Variants in TENM1 observed in about 807,000 individuals in gnomAD.
The protein encoded by TENM1 is teneurin-1.
In TENM1, 35 loss-of-function variants were observed where a neutral mutation model predicts 174.8. The ratio of observed to expected loss-of-function variants is 0.20; its 90% CI spans 0.15 to 0.27. The LOEUF (loss-of-function observed/expected upper bound fraction) is 0.27, where lower values mean the gene tolerates loss of function less well. Ranked by LOEUF, TENM1 falls within the 10% of genes least tolerant of loss-of-function variation. The pLI is 1.00. For synonymous variants in TENM1, 781 were observed against 798.7 expected (o/e 0.98, Z 0.37); for missense variants, 1,633 against 2,130.1 (o/e 0.77, Z 4.59).
intron 4 of TENM1, among the ~76,000 whole-genome samples, chrX:124,725,278 T>A (rs1192896084): frequency 9.0e-6 from 1 of 111,079 alleles, no homozygotes; most frequent in African/African-American, 3.3e-5. Flanking sequence ...AAAGGCAAGG[T>A]TTTTATTTGT....
intron 5 of TENM1, among the ~76,000 whole-genome samples, chrX:124,687,657 G>A (rs1246135631): frequency 9.0e-6 from 1 of 111,604 alleles, no homozygotes; most frequent in Non-Finnish European, 1.9e-5. Flanking sequence ...TACAGAATGG[G>A]AGAAAATTTT....
chrX:124,655,004 T>C (rs73558398), intron 6 of TENM1, among the ~76,000 whole-genome samples: 1,336 of 111,989 alleles, frequency 0.012, 21 homozygotes, highest in African/African-American at 0.042. Context: ...CAGTAGAGAT[T>C]CTCAAACTTT....
the TENM1 span, among the ~76,000 whole-genome samples, chrX:125,036,236 C>G: frequency 9.0e-6 from 1 of 111,460 alleles, no homozygotes; most frequent in Non-Finnish European, 1.9e-5. Flanking sequence ...TAATTTATGC[C>G]TGTTGTTGCT....
chrX:124,963,497 G>A lies in TENM1; in HGVS notation c.217+40C>T, dbSNP rs746169674. The A allele has an allele frequency of 1.3e-5, 14 of 1,108,202 alleles. No individual in the cohort carries two copies. The African/African-American group carries it at 2.5e-4, about 20-fold the overall frequency. The allele number at this position is 1,108,202 out of a possible 1,213,427, so 91.3% of individuals were successfully genotyped here. The stretch of plus-strand genomic sequence containing the variant: ...TTTATGCACACAAGCATTCTCTAAT[G>A]AGAAATAATATTTGTTATAAAGATC... On this transcript the variant is annotated intron_variant, in intron 1 of 31. Transcript: ENST00000422452.
chrX:124,755,495 G>C (rs1184756081), intron 3 of TENM1, among the ~76,000 whole-genome samples: 5 of 110,724 alleles, frequency 4.5e-5, no homozygotes, highest in Non-Finnish European at 9.4e-5. Context: ...TACATTTAAA[G>C]TTAATATTGT....
intron 3 of TENM1, among the ~76,000 whole-genome samples, chrX:124,811,220 A>G (rs909547725): frequency 1.8e-5 from 2 of 112,136 alleles, no homozygotes; most frequent in African/African-American, 6.5e-5. Context: ...CAACAGAATG[A>G]ATATACAACC....
intron 3 of TENM1, among the ~76,000 whole-genome samples, chrX:124,893,440 T>C (rs912382863): frequency 8.9e-6 from 1 of 112,627 alleles, no homozygotes; most frequent in Admixed American, 9.4e-5. Flanking sequence ...GATAAAGATA[T>C]GAAAAGTGTG....
chrX:124,787,601 A>G (rs2055071271), intron 3 of TENM1, among the ~76,000 whole-genome samples: 1 of 111,996 alleles, frequency 8.9e-6, no homozygotes, highest in African/African-American at 3.3e-5. Context: ...ATATTCAGAT[A>G]ACAGCATTGA....
At chrX:125,006,745 A>T in the TENM1 span, among the ~76,000 whole-genome samples, 4 of 111,676 alleles carry the variant, frequency 3.6e-5, no homozygotes, top group African/African-American at 6.5e-5. Context: ...GTGGACACCC[A>T]GCAAATTGTA....
intron 4 of TENM1, among the ~76,000 whole-genome samples, chrX:124,731,216 G>C (rs1004511088): frequency 1.8e-5 from 2 of 111,736 alleles, no homozygotes; most frequent in South Asian, 7.5e-4. Flanking sequence ...AAACCAAGAA[G>C]AGCAAGGGTA....
At chrX:124,730,950 A>C (rs1216136657) in intron 4 of TENM1, among the ~76,000 whole-genome samples, 6 of 111,664 alleles carry the variant, frequency 5.4e-5, no homozygotes, top group Admixed American at 2.9e-4. Context: ...ATGAATTAAG[A>C]GAGTTGGGAA....
chrX:124,615,063 C>T (rs889931274), intron 11 of TENM1, among the ~76,000 whole-genome samples: 1 of 111,970 alleles, frequency 8.9e-6, no homozygotes, highest in Non-Finnish European at 1.9e-5. Flanking sequence ...ATTCTTAATT[C>T]CTGTTTTTCC....
the TENM1 span, among the ~76,000 whole-genome samples, chrX:125,168,565 A>G: frequency 2.7e-5 from 3 of 111,414 alleles, no homozygotes; most frequent in Non-Finnish European, 5.7e-5. Context: ...TTAGAGCCCC[A>G]GTCAGATGAC....
chrX:125,127,199 A>G, the TENM1 span, among the ~76,000 whole-genome samples: 1 of 111,579 alleles, frequency 9.0e-6, no homozygotes, highest in Non-Finnish European at 1.9e-5. Flanking sequence ...TCTTCAATAT[A>G]AGCAGGAAAA....
intron 11 of TENM1, among the ~76,000 whole-genome samples, chrX:124,631,214 A>C (rs73215127): frequency 0.028 from 3,181 of 112,108 alleles, 48 homozygotes; most frequent in Non-Finnish European, 0.047. Context: ...AAACACAATT[A>C]AGATGCAAAA....
chrX:124,914,259 A>G (rs1396140315), intron 1 of TENM1, among the ~76,000 whole-genome samples: 1 of 111,797 alleles, frequency 8.9e-6, no homozygotes, highest in African/African-American at 3.3e-5. Flanking sequence ...ATGTCTGGTA[A>G]TGGAAACAAC....
At chrX:124,584,126 G>C (rs2148225589) in intron 11 of TENM1, among the ~76,000 whole-genome samples, 1 of 110,465 alleles carries the variant, frequency 9.1e-6, no homozygotes, top group Non-Finnish European at 1.9e-5. Context: ...ATATTATCCA[G>C]GAGAACTTCC....
At chrX:124,507,852 A>G (rs1365718529) in intron 18 of TENM1, among the ~76,000 whole-genome samples, 1 of 112,012 alleles carries the variant, frequency 8.9e-6, no homozygotes, top group Non-Finnish European at 1.9e-5. Flanking sequence ...TAATGGTTGC[A>G]TTTATGAAGG....
intron 3 of TENM1, among the ~76,000 whole-genome samples, chrX:124,824,194 A>T (rs2056104831): frequency 8.9e-6 from 1 of 112,254 alleles, no homozygotes; most frequent in African/African-American, 3.2e-5. Context: ...CTTTTTTGAC[A>T]AAATTTTTCC....
Sources: allele counts gnomAD v4.1 joint callset (sites outside exome capture counted in the v4.1 genomes callset), GRCh38; gene constraint gnomAD v4.1.1; transcripts MANE v1.5; gene names NCBI Gene and HGNC (gene_info 2026-07-23, HGNC 2026-07-21).